RAD51AP2: variants seen among roughly 807,000 people sequenced by gnomAD.
The protein encoded by RAD51AP2 is RAD51-associated protein 2.
RAD51AP2 carries 67 observed loss-of-function variants against 85.5 expected under a neutral mutation model. That is an observed-to-expected ratio of 0.78 (90% confidence interval 0.64 to 0.96). The LOEUF (loss-of-function observed/expected upper bound fraction) is 0.96. Among genes scored for constraint, RAD51AP2 ranks in the 40% least tolerant of loss-of-function variants. The pLI, the probability that RAD51AP2 is intolerant of heterozygous loss-of-function variation, is 0.00. For synonymous variants in RAD51AP2, 474 were observed against 446.5 expected, an observed-to-expected ratio of 1.06 and a Z score of -0.78; for missense variants, 1,307 against 1,332.4, an observed-to-expected ratio of 0.98 and a Z score of 0.30.
At position 17,517,257 on chromosome 2, in the gene RAD51AP2, T is replaced by A; in HGVS notation, c.1159A>T (p.Thr387Ser). 6.2e-7 allele frequency: 1 copy of A among 1,614,008 alleles called. No individual in the cohort carries two copies. The highest frequency in any genetic ancestry group is 1.1e-5 in the South Asian group (1 of 91,050). Reference protein sequence around the residue: ...EAECLDSYVLTRLEKSQNWDC... With the variant: ...EAECLDSYVLSRLEKSQNWDC... ...CAGTTTTGAGATTTTTCCAGCCTGGTAAGTACGTAACTGTCCAGACATTCT... is the reference window on the plus strand; with the variant it reads ...CAGTTTTGAGATTTTTCCAGCCTGGAAAGTACGTAACTGTCCAGACATTCT... Residue 387 changes from threonine (T) to serine (S), a missense_variant, in exon 1 of 3, where the codon ACC becomes TCC. By Grantham distance (58) the Thr-to-Ser change is moderately conservative. Coordinates refer to ENST00000399080, the MANE Select transcript of RAD51AP2 (RefSeq NM_001099218.3).
At position 17,515,956 on chromosome 2, in the gene RAD51AP2, C is replaced by T; in HGVS notation, c.2460G>A (p.Leu820=). ...ATTTTTTTTCTTCTATTTCACTTAGCAAGTTCCAAAAATTTAGTACTTGAG... is the reference window on the plus strand; with the variant it reads ...ATTTTTTTTCTTCTATTTCACTTAGTAAGTTCCAAAAATTTAGTACTTGAG... The part of the protein sequence containing the change: ...SITQVLNFWN[L]LSEIEEKKYD... Residue 820 remains leucine (L), a synonymous_variant, in exon 1 of 3, where the codon TTG becomes TTA. Transcript: ENST00000399080. 1 of 1,607,774 alleles carries T rather than the reference C, an allele frequency of 6.2e-7. No homozygotes were observed. Among genetic ancestry groups the T allele is most frequent in the Non-Finnish European group, 8.5e-7 (1 of 1,178,492 alleles).
Position 17,516,167 on chromosome 2 carries a change from T to C in RAD51AP2, c.2249A>G (p.Asn750Ser). Reference sequence around the variant, plus strand: ...CATATTTACTTCATAAAAATTTTCATTAATGTATCCTCGGTTGTTCTGTAT... The same window carrying C: ...CATATTTACTTCATAAAAATTTTCACTAATGTATCCTCGGTTGTTCTGTAT... ...QFIQNNRGYI[N>S]ENFYEVNMHS... Residue 750 changes from asparagine (N) to serine (S), a missense_variant, in exon 1 of 3, where the codon AAT (asparagine) becomes AGT (serine). Physicochemically the swap from Asn to Ser is conservative, Grantham distance 46 (BLOSUM62 1). This residue lies in a region of RAD51AP2 where 668 missense variants were observed against 671.0 expected (regional missense o/e 1.00). Coordinates refer to ENST00000399080, the MANE Select transcript of RAD51AP2 (RefSeq NM_001099218.3). 1 of 1,613,460 alleles carries C rather than the reference T, an allele frequency of 6.2e-7. No homozygotes were observed. The highest frequency in any genetic ancestry group is 1.7e-4 in the Middle Eastern group (1 of 6,056).
the RAD51AP2 span, among the ~76,000 whole-genome samples, chr2:17,528,738 G>T: frequency 1.3e-5 from 2 of 152,180 alleles, no homozygotes; most frequent in Non-Finnish European, 2.9e-5. Context: ...AGCTACTCAG[G>T]AGGCTGAAGG....
At chr2:17,524,750 GA>G in the RAD51AP2 span, among the ~76,000 whole-genome samples, 2 of 151,890 alleles carry the variant, frequency 1.3e-5, no homozygotes, top group African/African-American at 4.8e-5. Flanking sequence ...CCTACCATAT[GA>G]TAGACATTTT....
intron 2 of RAD51AP2, among the ~76,000 whole-genome samples, chr2:17,513,014 A>G (rs1419881164): frequency 6.6e-6 from 1 of 152,160 alleles, no homozygotes; most frequent in Non-Finnish European, 1.5e-5. Flanking sequence ...AATATATTTA[A>G]CCTACAATGT....
At chr2:17,529,098 AAC>A in the RAD51AP2 span, among the ~76,000 whole-genome samples, 3 of 152,208 alleles carry the variant, frequency 2.0e-5, no homozygotes, top group East Asian at 1.9e-4. Context: ...AATTAACTTA[AAC>A]ACACAGTCAC....
chr2:17,532,505 AC>A, the RAD51AP2 span, among the ~76,000 whole-genome samples: 29 of 151,570 alleles, frequency 1.9e-4, no homozygotes, highest in Admixed American at 1.8e-3. Context: ...ACATAACGAG[AC>A]CCCCACCTCA....
the RAD51AP2 span, among the ~76,000 whole-genome samples, chr2:17,533,222 G>A: frequency 2.0e-5 from 3 of 152,120 alleles, no homozygotes; most frequent in Non-Finnish European, 4.4e-5. Context: ...TTCCATCCCT[G>A]CAATTTCTTG....
rs1317388130 is a variant in RAD51AP2 at position 17,517,257 on chromosome 2, T to G, written c.1159A>C (p.Thr387Pro). 5 of 1,614,008 alleles carry G rather than the reference T, an allele frequency of 3.1e-6. No individual in the cohort carries two copies. The East Asian group carries it at 6.7e-5, about 22-fold the overall frequency. ...CAGTTTTGAGATTTTTCCAGCCTGG[T>G]AAGTACGTAACTGTCCAGACATTCT... ...EAECLDSYVLTRLEKSQNWDC... is the reference protein window; with the variant it reads ...EAECLDSYVLPRLEKSQNWDC... The change falls in exon 1 of 3, where the codon ACC (threonine) becomes CCC (proline). Residue 387 changes from threonine (T) to proline (P), a missense_variant. Thr to Pro is a conservative substitution (Grantham distance 38). Transcript: ENST00000399080.
At chr2:17,531,480 T>G in the RAD51AP2 span, among the ~76,000 whole-genome samples, 1 of 152,310 alleles carries the variant, frequency 6.6e-6, no homozygotes, top group Admixed American at 6.5e-5. Flanking sequence ...ATATGTGCTG[T>G]GAACCTAAAC....
chr2:17,519,721 AAGAATGTGGC>A (rs1017180060), upstream of RAD51AP2, among the ~76,000 whole-genome samples: 74 of 152,278 alleles, frequency 4.9e-4, 1 homozygote, highest in African/African-American at 1.7e-3. Flanking sequence ...CACTATAAAT[AAGAATGTGGC>A]AGTGGTTCAG....
rs576895130 is a variant in RAD51AP2 at position 17,516,814 on chromosome 2, G to A, written c.1602C>T (p.Asn534=). 1.6e-5 allele frequency: 24 copies of A among 1,546,278 alleles called. No homozygotes were observed. Among genetic ancestry groups the A allele is most frequent in the Non-Finnish European group, 2.1e-5 (24 of 1,144,368 alleles). Reference sequence around the variant, plus strand: ...CAATTTGCTTTTTACACTTCAAAATGTTACAGCAGGTTAAAATACTATTAT... The same window carrying A: ...CAATTTGCTTTTTACACTTCAAAATATTACAGCAGGTTAAAATACTATTAT... ...KKDNSILTCC[N]ILKCKKQIGI... is the part of the protein sequence containing the mutation. The change falls in exon 1 of 3, where the codon AAC becomes AAT. Residue 534 remains asparagine, a synonymous_variant. Coordinates refer to ENST00000399080, the MANE Select transcript of RAD51AP2 (RefSeq NM_001099218.3).
the RAD51AP2 span, among the ~76,000 whole-genome samples, chr2:17,525,580 A>G: frequency 6.6e-6 from 1 of 152,092 alleles, no homozygotes; most frequent in Non-Finnish European, 1.5e-5. Flanking sequence ...TTGAAATGCA[A>G]TCTGATACAT....
At position 17,515,969 on chromosome 2, in the gene RAD51AP2, T is replaced by G. The variant is rs1662649772; in HGVS notation, c.2447A>C (p.Asn816Thr). Residue 816 changes from asparagine (N) to threonine (T), a missense_variant, in exon 1 of 3, where the codon AAT (asparagine) becomes ACT (threonine). Asn to Thr is a moderately conservative substitution (Grantham distance 65). Coordinates refer to ENST00000399080, the MANE Select transcript of RAD51AP2 (RefSeq NM_001099218.3). Reference protein sequence around the residue: ...THTTSITQVLNFWNLLSEIEE... With the variant: ...THTTSITQVLTFWNLLSEIEE... ...TATTTCACTTAGCAAGTTCCAAAAA[T>G]TTAGTACTTGAGTTATAGAAGTGGT... The G allele has an allele frequency of 6.2e-7, 1 of 1,609,244 alleles. No homozygotes were observed. Among genetic ancestry groups the G allele is most frequent in the Non-Finnish European group, 8.5e-7 (1 of 1,178,846 alleles).
rs1662765698 is a variant in RAD51AP2 at position 17,518,390 on chromosome 2, C to A, written c.26G>T (p.Arg9Leu). 8 of 1,612,890 alleles carry A rather than the reference C, an allele frequency of 5.0e-6. No homozygotes were observed. The highest frequency in any genetic ancestry group is 1.3e-5 in the African/African-American group (1 of 74,962). The change falls in exon 1 of 3, where the codon CGG (arginine) becomes CTG (leucine). Residue 9 changes from arginine to leucine, a missense_variant. Transcript: ENST00000399080. ...GGTAGGCTTTCTGAGCTCGGCCATCCGCGGCGTGGGCTGAGGGAGAGACAT... is the reference window on the plus strand; with the variant it reads ...GGTAGGCTTTCTGAGCTCGGCCATCAGCGGCGTGGGCTGAGGGAGAGACAT... MSLPQPTP[R>L]MAELRKPTSS... is the part of the protein sequence containing the mutation.
chr2:17,515,521 C>T lies in RAD51AP2; in HGVS notation c.2895G>A (p.Lys965=), dbSNP rs1392822512. ...ALTIVKDFEM[K]RKFDLVLEEL... ...CTTCAAGTACTAAGTCAAATTTTCT[C>T]TTCATCTCAAAATCTTTTACTATTG... is the stretch of plus-strand genomic sequence containing the variant. The change falls in exon 1 of 3, where the codon AAG becomes AAA. Residue 965 remains lysine (K), a synonymous_variant. Transcript: ENST00000399080. The T allele has an allele frequency of 8.7e-6, 14 of 1,609,986 alleles. No individual in the cohort carries two copies. The highest frequency in any genetic ancestry group is 1.2e-5 in the Non-Finnish European group (14 of 1,178,912).
At chr2:17,513,911 T>G (rs1662569728) in intron 2 of RAD51AP2, 101 bp downstream of exon 2, 1 of 678,092 alleles carries the variant, frequency 1.5e-6, no homozygotes, top group Admixed American at 2.9e-5. Flanking sequence ...AACTTTGTAT[T>G]TATTTTGAAC....
chr2:17,524,337 A>C, the RAD51AP2 span, among the ~76,000 whole-genome samples: 18 of 152,078 alleles, frequency 1.2e-4, 1 homozygote, highest in Non-Finnish European at 2.5e-4. Context: ...TTTTCCCAGA[A>C]ATTTAGAGTA....
Position 17,515,888 on chromosome 2 carries a change from C to T in RAD51AP2, c.2528G>A (p.Ser843Asn), listed in dbSNP as rs1662646613. 2 of 1,605,310 alleles carry T rather than the reference C, an allele frequency of 1.2e-6. No homozygotes were observed. Residue 843 changes from serine to asparagine, a missense_variant, in exon 1 of 3, where the codon AGT becomes AAT. Ser to Asn is a conservative substitution (Grantham distance 46). Coordinates refer to ENST00000399080, the MANE Select transcript of RAD51AP2 (RefSeq NM_001099218.3). ...LKEEVKVTAESLTNSCQVHKD... is the reference protein window; with the variant it reads ...LKEEVKVTAENLTNSCQVHKD... The stretch of plus-strand genomic sequence containing the variant: ...GTGAACTTGGCAACTATTTGTTAAA[C>T]TTTCAGCTGTGACTTTTACTTCCTC...
Sources: gnomAD v4.1 joint callset for allele counts (sites outside exome capture counted in the v4.1 genomes callset) on GRCh38, gnomAD v4.1.1 for gene constraint, gnomAD v4.1.1 regional missense constraint, MANE v1.5 for transcripts, NCBI Gene and HGNC (gene_info 2026-07-23, HGNC 2026-07-21) for gene names.